CFAP299: variants seen among roughly 807,000 people sequenced by gnomAD.
CFAP299 encodes cilia- and flagella-associated protein 299.
A neutral mutation model predicts 27.0 loss-of-function variants in CFAP299; 21 were observed. That is an observed-to-expected ratio of 0.78 (90% CI 0.55 to 1.12). The LOEUF (loss-of-function observed/expected upper bound fraction) is 1.12, where lower values mean the gene tolerates loss of function less well. Ranked by LOEUF, CFAP299 falls within the 50% of genes most tolerant of loss-of-function variation. The probability of loss-of-function intolerance (pLI) is 0.00; values close to 1 mark genes in which losing one functional copy is unlikely to be tolerated. For synonymous variants in CFAP299, 104 were observed against 98.1 expected (o/e 1.06, Z -0.36); for missense variants, 310 against 276.6 (o/e 1.12, Z -0.86).
At chr4:80,945,238 C>G (rs1211430056) in intron 5 of CFAP299, among the ~76,000 whole-genome samples, 19 of 152,196 alleles carry the variant, frequency 1.2e-4, no homozygotes, top group Admixed American at 1.2e-3. Flanking sequence ...ATGTGCTTCC[C>G]CCGATCCTGC....
chr4:80,831,682 A>G (rs968848168), intron 3 of CFAP299, among the ~76,000 whole-genome samples: 9 of 152,312 alleles, frequency 5.9e-5, no homozygotes, highest in African/African-American at 2.2e-4. Context: ...AACTATTAGT[A>G]TATGGTATTT....
chr4:80,942,747 T>C lies in CFAP299; in HGVS notation c.477-2063T>C, dbSNP rs1209186430. ...ACTCTAAGCACATCTCTGACTCAAG[T>C]ATTTTGGTAGAATTATCTATATCTA... On this transcript the variant is annotated intron_variant, in intron 4 of 5. Transcript: ENST00000358105. 2.6e-5 allele frequency among the ~76,000 whole-genome samples: 4 copies of C among 152,172 alleles called. No individual in the cohort carries two copies. In the East Asian group the frequency reaches 7.7e-4, roughly 29 times the overall value.
intron 2 of CFAP299, among the ~76,000 whole-genome samples, chr4:80,475,682 A>G (rs1307769092): frequency 2.0e-5 from 3 of 152,256 alleles, no homozygotes; most frequent in Non-Finnish European, 2.9e-5. Context: ...CACTGTTGAT[A>G]TCTGAGTTTG....
At chr4:80,692,348 T>G (rs1218939793) in intron 3 of CFAP299, among the ~76,000 whole-genome samples, 2 of 152,010 alleles carry the variant, frequency 1.3e-5, no homozygotes, top group African/African-American at 4.8e-5. Context: ...AAAACAGAGA[T>G]ATAGATCAAT....
chr4:80,461,348 A>G (rs1420963377), intron 2 of CFAP299, among the ~76,000 whole-genome samples: 1 of 152,202 alleles, frequency 6.6e-6, no homozygotes, highest in Non-Finnish European at 1.5e-5. Context: ...AAATATGTCA[A>G]AGAAATATAT....
chr4:80,547,739 G>A (rs6855315), intron 2 of CFAP299, among the ~76,000 whole-genome samples: 55,959 of 151,782 alleles, frequency 0.37, 13,268 homozygotes, highest in African/African-American at 0.68. Context: ...ATATCTCAAA[G>A]AAAAAGACAT....
At chr4:80,753,796 A>G (rs1269738044) in intron 3 of CFAP299, among the ~76,000 whole-genome samples, 1 of 151,984 alleles carries the variant, frequency 6.6e-6, no homozygotes, top group Non-Finnish European at 1.5e-5. Flanking sequence ...GGCACTTCTC[A>G]TCTCCTTTTC....
the CFAP299 span, among the ~76,000 whole-genome samples, chr4:80,325,628 A>AT: frequency 6.6e-6 from 1 of 152,208 alleles, no homozygotes; most frequent in African/African-American, 2.4e-5. Flanking sequence ...CAAATTAGCC[A>AT]TTTTAATTCC....
chr4:80,908,009 G>A lies in CFAP299; in HGVS notation c.477-36801G>A, dbSNP rs920898065. On this transcript the variant is annotated intron_variant, in intron 4 of 5. Transcript: ENST00000358105. ...GCTTTGCATGCAGAGTTTCACTGTG[G>A]CGAAGGGCTCGTCCATAACATTTTT... Among the ~76,000 whole-genome samples the A allele has an allele frequency of 4.6e-5, 7 of 152,276 alleles. No homozygotes were observed. The South Asian group carries it at 1.2e-3, about 27-fold the overall frequency.
At chr4:80,463,984 TAAATAG>T (rs1729584971) in intron 2 of CFAP299, among the ~76,000 whole-genome samples, 1 of 152,224 alleles carries the variant, frequency 6.6e-6, no homozygotes. Flanking sequence ...AAACTGATTT[TAAATAG>T]AAATGCATAA....
chr4:80,845,436 T>C (rs1274140133), intron 3 of CFAP299, among the ~76,000 whole-genome samples: 2 of 152,148 alleles, frequency 1.3e-5, no homozygotes, highest in Non-Finnish European at 2.9e-5. Flanking sequence ...CAGAAATTGG[T>C]TCCTACCTAA....
intron 3 of CFAP299, among the ~76,000 whole-genome samples, chr4:80,797,662 T>A (rs1172541350): frequency 2.6e-5 from 4 of 152,148 alleles, no homozygotes; most frequent in Non-Finnish European, 5.9e-5. Flanking sequence ...AGGTCTGACA[T>A]ACAGAGAAGA....
chr4:80,718,110 G>C (rs1253705231), intron 3 of CFAP299, among the ~76,000 whole-genome samples: 1 of 152,042 alleles, frequency 6.6e-6, no homozygotes, highest in African/African-American at 2.4e-5. Context: ...ACACATTCTT[G>C]TTATTAGGAA....
chr4:80,915,619 A>G (rs1214314714), intron 4 of CFAP299, among the ~76,000 whole-genome samples: 1 of 151,880 alleles, frequency 6.6e-6, no homozygotes, highest in Non-Finnish European at 1.5e-5. Context: ...CCACTCTCCC[A>G]GATCCTCCTG....
chr4:80,552,842 C>A (rs1430565523), intron 2 of CFAP299, among the ~76,000 whole-genome samples: 1 of 152,030 alleles, frequency 6.6e-6, no homozygotes, highest in Non-Finnish European at 1.5e-5. Flanking sequence ...CATGTGCCAC[C>A]ATGTCCAGCT....
At chr4:80,863,843 CTT>C in intron 3 of CFAP299, among the ~76,000 whole-genome samples, 1 of 151,858 alleles carries the variant, frequency 6.6e-6, no homozygotes, top group Non-Finnish European at 1.5e-5. Flanking sequence ...TTTTAAAAGC[CTT>C]TTAATATATA....
At chr4:80,466,608 A>G (rs1729714197) in intron 2 of CFAP299, among the ~76,000 whole-genome samples, 1 of 152,178 alleles carries the variant, frequency 6.6e-6, no homozygotes, top group South Asian at 2.1e-4. Context: ...GAAGCCTTCC[A>G]CACTTGGACG....
intron 2 of CFAP299, among the ~76,000 whole-genome samples, chr4:80,428,494 T>C (rs1727634064): frequency 6.6e-6 from 1 of 152,114 alleles, no homozygotes; most frequent in African/African-American, 2.4e-5. Flanking sequence ...GAACTAACTA[T>C]GTTAAAAGTA....
At position 80,397,923 on chromosome 4, in the gene CFAP299, T is replaced by C. The variant is rs569358131; in HGVS notation, c.242+35039T>C. Among the ~76,000 whole-genome samples, 4 of 152,328 alleles carry C rather than the reference T, an allele frequency of 2.6e-5. No homozygotes were observed. The South Asian group carries it at 8.3e-4, about 32-fold the overall frequency. ...TCCCTGTTTGCAGATGACATGATTG[T>C]ATATTTAGAAAACCCCATCATCTCA... On this transcript the variant is annotated intron_variant, in intron 2 of 5. Coordinates refer to ENST00000358105, the MANE Select transcript of CFAP299 (RefSeq NM_152770.3).
Sources: allele counts gnomAD v4.1 joint callset (sites outside exome capture counted in the v4.1 genomes callset), GRCh38; gene constraint gnomAD v4.1.1; transcripts MANE v1.5; gene names NCBI Gene and HGNC (gene_info 2026-07-23, HGNC 2026-07-21).